CTNNB1: variants seen among roughly 807,000 people sequenced by gnomAD.
CTNNB1 encodes the protein catenin beta 1, also known as catenin beta-1.
A neutral mutation model predicts 82.5 loss-of-function variants in CTNNB1; 6 were observed. That is an observed-to-expected ratio of 0.07 (90% CI 0.04 to 0.14). The LOEUF (loss-of-function observed/expected upper bound fraction) is 0.14. Among genes scored for constraint, CTNNB1 ranks in the 10% least tolerant of loss-of-function variants. The probability of loss-of-function intolerance (pLI) is 1.00; values close to 1 mark genes in which losing one functional copy is unlikely to be tolerated. For missense variants in CTNNB1, 529 were observed against 980.4 expected (o/e 0.54, Z 6.15); for synonymous variants, 312 against 329.7 (o/e 0.95, Z 0.58).
At chr3:41,203,917 A>G (rs1468266457) in intron 1 of CTNNB1, among the ~76,000 whole-genome samples, 2 of 152,184 alleles carry the variant, frequency 1.3e-5, no homozygotes, top group Non-Finnish European at 2.9e-5. Flanking sequence ...TTCAGGGTTT[A>G]GATTTTTAAA....
chr3:41,220,805 G>C (rs1324774430), intron 1 of CTNNB1: 1 of 152,100 alleles, frequency 6.6e-6, no homozygotes, highest in African/African-American at 2.4e-5. Flanking sequence ...TTTTTATGTA[G>C]CAGATTTACT....
In CTNNB1 at chr3:41,235,834, G is replaced by A. The variant is rs2125645065; in HGVS notation, c.1794G>A (p.Leu598=). ...IVIRGLNTIP[L]FVQLLYSPIE... ...TCAGAGGACTAAATACCATTCCATT[G>A]TTTGTGCAGGTATGTTTTAAGTGAA... Residue 598 remains leucine (L), a synonymous_variant, in exon 11 of 15, where the codon TTG becomes TTA. Transcript: ENST00000349496. The A allele has an allele frequency of 6.2e-7, 1 of 1,614,092 alleles. No individual in the cohort carries two copies. The highest frequency in any genetic ancestry group is 8.5e-7 in the Non-Finnish European group (1 of 1,179,976).
chr3:41,207,780 C>T (rs1185180325), intron 1 of CTNNB1, among the ~76,000 whole-genome samples: 1 of 152,092 alleles, frequency 6.6e-6, no homozygotes, highest in African/African-American at 2.4e-5. Context: ...GTGAATGTTC[C>T]TTTCTTTCTT....
chr3:41,229,794 A>G (rs928268355), intron 7 of CTNNB1, among the ~76,000 whole-genome samples: 3 of 151,982 alleles, frequency 2.0e-5, no homozygotes, highest in East Asian at 3.9e-4. Flanking sequence ...TAAGAAGGCA[A>G]CTTATATGTG....
rs781002636 is a variant in CTNNB1 at position 41,235,851 on chromosome 3, T to C, written c.1803+8T>C. The C allele has an allele frequency of 1.2e-5, 19 of 1,614,012 alleles. No individual in the cohort carries two copies. Among genetic ancestry groups the C allele is most frequent in the Non-Finnish European group, 1.6e-5 (19 of 1,179,962 alleles). ...ATTCCATTGTTTGTGCAGGTATGTTTTAAGTGAAGTGTTCTAGGTTTTATG... is the reference window on the plus strand; with the variant it reads ...ATTCCATTGTTTGTGCAGGTATGTTCTAAGTGAAGTGTTCTAGGTTTTATG... On this transcript the variant is annotated splice_region_variant and intron_variant, in intron 11 of 14. Transcript: ENST00000349496.
chr3:41,237,963 G>C (rs367794325), intron 13 of CTNNB1, 53 bp from the exon 14 acceptor site: 157 of 1,511,552 alleles, frequency 1.0e-4, no homozygotes, highest in Non-Finnish European at 1.4e-4. Flanking sequence ...GTGTACTTTT[G>C]AGAATTTTCA....
At chr3:41,210,949 C>T in intron 1 of CTNNB1, 1 of 444,040 alleles carries the variant, frequency 2.3e-6, no homozygotes, top group Non-Finnish European at 4.5e-6. Context: ...CCCCACCATG[C>T]CTGGCTAATT....
chr3:41,219,580 A>G (rs980129724), intron 1 of CTNNB1, among the ~76,000 whole-genome samples: 1 of 152,194 alleles, frequency 6.6e-6, no homozygotes, highest in South Asian at 2.1e-4. Flanking sequence ...ACCCTGTAGG[A>G]TGGGCGGGTG....
intron 1 of CTNNB1, chr3:41,222,088 A>T (rs532972213): frequency 6.6e-6 from 1 of 152,160 alleles, no homozygotes; most frequent in Non-Finnish European, 1.5e-5. Context: ...TTTAAAAAAA[A>T]ATTTTCCTGA....
At chr3:41,207,150 C>G (rs2077667935) in intron 1 of CTNNB1, among the ~76,000 whole-genome samples, 1 of 151,802 alleles carries the variant, frequency 6.6e-6, no homozygotes, top group African/African-American at 2.4e-5. Context: ...GCATTCTGTT[C>G]CCCATAGAAT....
intron 11 of CTNNB1, chr3:41,236,054 G>T: frequency 1.4e-6 from 1 of 714,516 alleles, no homozygotes; most frequent in South Asian, 1.8e-5. Context: ...TGCCTAGAGG[G>T]GAGAGCTGAC....
rs768746130 is a variant in CTNNB1 at position 41,239,213 on chromosome 3, G to A, written c.2217G>A (p.Met739Ile). 5.5e-5 allele frequency: 89 copies of A among 1,614,084 alleles called. 1 individual carries two copies. In the East Asian group the frequency reaches 1.9e-3, roughly 34 times the overall value. The change falls in exon 15 of 15, where the codon ATG (methionine) becomes ATA (isoleucine). Residue 739 changes from methionine to isoleucine, a missense_variant. By Grantham distance (10) the Met-to-Ile change is conservative. Transcript: ENST00000349496. ...TGGACCCCATGATGGAACATGAGAT[G>A]GGTGGCCACCACCCTGGTGCTGACT... ...LGMDPMMEHE[M>I]GGHHPGADYP...
intron 10 of CTNNB1, chr3:41,235,388 AC>A (rs2078411205): frequency 3.3e-6 from 1 of 303,666 alleles, no homozygotes. Context: ...AAAAACGTTG[AC>A]ATAGTCTGAG....
chr3:41,235,611 T>G, intron 10 of CTNNB1, 113 bp from the exon 11 acceptor site: 1 of 1,406,696 alleles, frequency 7.1e-7, no homozygotes, highest in South Asian at 1.2e-5. Flanking sequence ...CTGAACTAAT[T>G]GCAAGTTACG....
intron 7 of CTNNB1, among the ~76,000 whole-genome samples, chr3:41,229,139 G>A (rs564447802): frequency 6.6e-6 from 1 of 152,244 alleles, no homozygotes; most frequent in African/African-American, 2.4e-5. Context: ...TGGGTAAAGT[G>A]ATTCCTCCAG....
intron 1 of CTNNB1, among the ~76,000 whole-genome samples, chr3:41,215,877 T>C (rs1228907830): frequency 6.6e-6 from 1 of 152,176 alleles, no homozygotes; most frequent in Non-Finnish European, 1.5e-5. Flanking sequence ...ATATTTCAAG[T>C]ATTAAAAGTT....
chr3:41,212,353 T>G (rs73827969), intron 1 of CTNNB1, among the ~76,000 whole-genome samples: 1,647 of 152,316 alleles, frequency 0.011, 34 homozygotes, highest in African/African-American at 0.038. Flanking sequence ...CTTATTTTTC[T>G]TCTCCCTTTC....
intron 7 of CTNNB1, among the ~76,000 whole-genome samples, chr3:41,232,508 G>A (rs1331264075): frequency 2.0e-5 from 3 of 152,058 alleles, no homozygotes; most frequent in African/African-American, 7.2e-5. Flanking sequence ...AAAGATGAAG[G>A]AGACAAGGAA....
At chr3:41,215,980 T>G (rs932554173) in intron 1 of CTNNB1, among the ~76,000 whole-genome samples, 1 of 152,226 alleles carries the variant, frequency 6.6e-6, no homozygotes, top group African/African-American at 2.4e-5. Flanking sequence ...GTCTTTCATT[T>G]ATCTGCAACA....
Sources: gnomAD v4.1 joint callset for allele counts (sites outside exome capture counted in the v4.1 genomes callset) on GRCh38, gnomAD v4.1.1 for gene constraint, MANE v1.5 for transcripts, NCBI Gene and HGNC (gene_info 2026-07-23, HGNC 2026-07-21) for gene names.